Variants in MYO18B observed in about 807,000 individuals in gnomAD.
MYO18B encodes unconventional myosin-XVIIIb.
Under a neutral mutation model 273.0 loss-of-function variants are expected in MYO18B, and 204 were observed. That is an observed-to-expected ratio of 0.75 (90% CI 0.67 to 0.84). The LOEUF is 0.84. MYO18B is among the 40% of genes least tolerant of loss of function. The pLI is 0.00. For synonymous variants in MYO18B, 1,330 were observed against 1,305.7 expected (o/e 1.02, Z -0.40); for missense variants, 3,212 against 3,287.6 (o/e 0.98, Z 0.56).
chr22:25,818,605 C>T (rs551709601), intron 12 of MYO18B, among the ~76,000 whole-genome samples: 49 of 152,280 alleles, frequency 3.2e-4, no homozygotes, highest in African/African-American at 1.1e-3. Flanking sequence ...TGGGGTGTGA[C>T]CCACATCCCA....
intron 11 of MYO18B, among the ~76,000 whole-genome samples, chr22:25,794,741 T>C (rs1465781544): frequency 6.8e-6 from 1 of 148,126 alleles, no homozygotes; most frequent in South Asian, 2.2e-4. Context: ...CCTGACCTCA[T>C]GATCCATCCA....
chr22:26,035,622 C>T (rs1936763220), downstream of MYO18B, among the ~76,000 whole-genome samples: 1 of 152,204 alleles, frequency 6.6e-6, no homozygotes, highest in Non-Finnish European at 1.5e-5. Flanking sequence ...AGGGGTTTGA[C>T]CTAGGTCTGG....
chr22:25,950,448 C>T lies in MYO18B; in HGVS notation c.5830C>T (p.Gln1944Ter). Residue 1944 changes from glutamine to a stop codon, truncating the protein, a stop_gained and splice_region_variant, in exon 37 of 44, where the codon CAA becomes TAA. Transcript: ENST00000335473. LOFTEE classifies it high-confidence loss of function. Reference protein sequence around the residue: ...AKKEKHKLQEQLQVAQMRIEY... With the variant: ...AKKEKHKLQE ...GAAGGAGAAGCACAAGCTACAAGAACAAGTATGTGCTCAGAGCCATCCTAT... is the reference window on the plus strand; with the variant it reads ...GAAGGAGAAGCACAAGCTACAAGAATAAGTATGTGCTCAGAGCCATCCTAT... 1 of 1,599,504 alleles carries T rather than the reference C, an allele frequency of 6.3e-7. No individual in the cohort carries two copies. Among genetic ancestry groups the T allele is most frequent in the Non-Finnish European group, 8.5e-7 (1 of 1,173,206 alleles).
rs542591637 is a variant in MYO18B, at chr22:25,938,960, G to A, written c.5518-7177G>A. ...ACCCTCCTGGGTAGCTGGGACTACA[G>A]GCGCTCCACCATGCCCAGCTAATTT... On this transcript the variant is annotated intron_variant, in intron 34 of 43. Coordinates refer to ENST00000335473, the MANE Select transcript of MYO18B (RefSeq NM_032608.7). Among the ~76,000 whole-genome samples, 20 of 152,270 alleles carry A rather than the reference G, an allele frequency of 1.3e-4. No homozygotes were observed. In the East Asian group the frequency reaches 3.9e-3, roughly 29 times the overall value.
intron 39 of MYO18B, among the ~76,000 whole-genome samples, chr22:25,956,477 A>T (rs2092853848): frequency 6.6e-6 from 1 of 152,302 alleles, no homozygotes; most frequent in African/African-American, 2.4e-5. Flanking sequence ...CGGCCACCCA[A>T]AGTGCTAGGA....
chr22:25,804,430 G>T (rs1420962291), intron 12 of MYO18B, among the ~76,000 whole-genome samples: 1 of 152,238 alleles, frequency 6.6e-6, no homozygotes, highest in Non-Finnish European at 1.5e-5. Flanking sequence ...ATGCCTTAAG[G>T]TGAGTGTGGT....
intron 10 of MYO18B, 78 bp from the exon 11 acceptor site, chr22:25,785,350 C>T (rs2087336401): frequency 3.5e-6 from 5 of 1,434,134 alleles, no homozygotes; most frequent in African/African-American, 1.4e-5. Flanking sequence ...TGTGGAGCCT[C>T]ACACTGTGAC....
At chr22:25,799,490 A>G (rs1045261825) in intron 12 of MYO18B, among the ~76,000 whole-genome samples, 4 of 152,148 alleles carry the variant, frequency 2.6e-5, no homozygotes, top group African/African-American at 9.7e-5. Flanking sequence ...AGCTCTTATC[A>G]GTGGCTGGTG....
intron 42 of MYO18B, among the ~76,000 whole-genome samples, chr22:26,019,965 T>C (rs1935678787): frequency 6.6e-6 from 1 of 152,162 alleles, no homozygotes; most frequent in Non-Finnish European, 1.5e-5. Context: ...TATGTATGTG[T>C]AGATGTAAGT....
intron 27 of MYO18B, chr22:25,894,756 G>A (rs9968038): frequency 0.069 from 10,809 of 157,052 alleles, 423 homozygotes; most frequent in African/African-American, 0.11. Context: ...TCAACATGTA[G>A]GGGAATCTGC....
chr22:25,798,011 T>A lies in MYO18B; in HGVS notation c.2435T>A (p.Met812Lys), dbSNP rs2088001253. The A allele has an allele frequency of 6.2e-7, 1 of 1,613,782 alleles. No individual in the cohort carries two copies. Among genetic ancestry groups the A allele is most frequent in the Non-Finnish European group, 8.5e-7 (1 of 1,179,810 alleles). Residue 812 changes from methionine to lysine, a missense_variant, in exon 12 of 44, where the codon ATG (methionine) becomes AAG (lysine). Met to Lys is a moderately conservative substitution (Grantham distance 95). Transcript: ENST00000335473. ...GCCCAGCTCCAGGGTGCCATGGAGA[T>A]GCTCGGCATCTCAGAGAGCGAGCAG... is the stretch of plus-strand genomic sequence containing the variant. Reference protein sequence around the residue: ...AFAQLQGAMEMLGISESEQRA... With the variant: ...AFAQLQGAMEKLGISESEQRA...
Position 25,874,336 on chromosome 22 carries a change from G to C in MYO18B, c.4002G>C (p.Lys1334Asn). The C allele has an allele frequency of 6.2e-7, 1 of 1,613,994 alleles. No homozygotes were observed. The highest frequency in any genetic ancestry group is 8.5e-7 in the Non-Finnish European group (1 of 1,179,892). The change falls in exon 23 of 44, where the codon AAG (lysine) becomes AAC (asparagine). Residue 1334 changes from lysine to asparagine, a missense_variant. Coordinates refer to ENST00000335473, the MANE Select transcript of MYO18B (RefSeq NM_032608.7). ...CCAGGCTTGAGAAGCAGCGAGAGAA[G>C]CTGGTATCTCAGAGCATCGTTCTCT... is the stretch of plus-strand genomic sequence containing the variant. ...VISRLEKQRE[K>N]LVSQSIVLFQ...
chr22:25,828,412 A>G (rs1474690260), intron 14 of MYO18B, among the ~76,000 whole-genome samples: 1 of 152,226 alleles, frequency 6.6e-6, no homozygotes, highest in Non-Finnish European at 1.5e-5. Context: ...GATGTATTAA[A>G]TAAAATAGTT....
At chr22:25,992,816 A>G (rs2093283987) in intron 40 of MYO18B, among the ~76,000 whole-genome samples, 1 of 152,232 alleles carries the variant, frequency 6.6e-6, no homozygotes, top group Non-Finnish European at 1.5e-5. Context: ...TAAAATGGGC[A>G]TAATAATATT....
chr22:25,798,648 C>A (rs2036174391), intron 12 of MYO18B, among the ~76,000 whole-genome samples: 1 of 152,112 alleles, frequency 6.6e-6, no homozygotes, highest in South Asian at 2.1e-4. Context: ...CAGCTTCCAC[C>A]TCCTTGGCTC....
At chr22:25,834,957 G>A (rs1306624235) in intron 16 of MYO18B, among the ~76,000 whole-genome samples, 3 of 152,142 alleles carry the variant, frequency 2.0e-5, no homozygotes, top group African/African-American at 7.2e-5. Context: ...ATTTCCAGAG[G>A]GTTCCCCTTG....
At chr22:25,975,106 C>T (rs1249988704) in intron 39 of MYO18B, among the ~76,000 whole-genome samples, 2 of 152,100 alleles carry the variant, frequency 1.3e-5, no homozygotes, top group Non-Finnish European at 2.9e-5. Flanking sequence ...ACTGATGGAC[C>T]TGGCAAGAGT....
At chr22:25,877,468 A>G (rs1052168159) in intron 24 of MYO18B, among the ~76,000 whole-genome samples, 4 of 152,172 alleles carry the variant, frequency 2.6e-5, no homozygotes, top group East Asian at 1.9e-4. Flanking sequence ...AGCACTTAAA[A>G]TCTACTTTTT....
Position 25,921,394 on chromosome 22 carries a change from G to T in MYO18B, c.5502G>T (p.Glu1834Asp). Reference sequence around the variant, plus strand: ...CATCAGTCAGCAAGGAGGAGCTGGAGAAAGTGCACAGCCAGGTGGGTGTCA... The same window carrying T: ...CATCAGTCAGCAAGGAGGAGCTGGATAAAGTGCACAGCCAGGTGGGTGTCA... ...GKTSVSKEEL[E>D]KVHSQLEQSE... is the part of the protein sequence containing the mutation. The change falls in exon 34 of 44, where the codon GAG becomes GAT. Residue 1834 changes from glutamate (E) to aspartate (D), a missense_variant. By Grantham distance (45) the Glu-to-Asp change is conservative. Coordinates refer to ENST00000335473, the MANE Select transcript of MYO18B (RefSeq NM_032608.7). The T allele has an allele frequency of 6.2e-7, 1 of 1,601,928 alleles. No homozygotes were observed. The highest frequency in any genetic ancestry group is 8.5e-7 in the Non-Finnish European group (1 of 1,174,422).
Sources: allele counts gnomAD v4.1 joint callset (sites outside exome capture counted in the v4.1 genomes callset), GRCh38; gene constraint gnomAD v4.1.1; transcripts MANE v1.5; gene names NCBI Gene and HGNC (gene_info 2026-07-23, HGNC 2026-07-21).